GPR157: variants seen among roughly 807,000 people sequenced by gnomAD.
GPR157 encodes the protein G protein-coupled receptor 157.
A neutral mutation model predicts 23.5 loss-of-function variants in GPR157; 16 were observed. The observed-to-expected ratio is 0.68, with a 90% CI of 0.46 to 1.04. GPR157 has a LOEUF of 1.04. Among genes scored for constraint, GPR157 ranks in the 50% least tolerant of loss-of-function variants. GPR157 has a pLI of 0.00. For missense variants in GPR157, 440 were observed against 460.7 expected (o/e 0.96, Z 0.41); for synonymous variants, 200 against 221.5 (o/e 0.90, Z 0.86).
At chr1:9,113,117 TGTGA>T (rs1333867723) in intron 1 of GPR157, among the ~76,000 whole-genome samples, 4 of 151,908 alleles carry the variant, frequency 2.6e-5, no homozygotes, top group Non-Finnish European at 4.4e-5. Context: ...CAGGCAGGTG[TGTGA>T]GTGTTTGCTG....
intron 1 of GPR157, among the ~76,000 whole-genome samples, chr1:9,116,252 TA>T (rs1306502406): frequency 5.3e-5 from 1 of 18,722 alleles, no homozygotes; most frequent in Non-Finnish European, 9.4e-5. Context: ...TATAATTATA[TA>T]TATATTATAT....
chr1:9,123,534 T>TTAAAATATATCTAATTTAAATATATATA (rs1638879006), intron 1 of GPR157, among the ~76,000 whole-genome samples: 1 of 45,270 alleles, frequency 2.2e-5, no homozygotes, highest in South Asian at 7.2e-4. Context: ...AAATATATAT[T>TTAAAATATATCTAATTTAAATATATATA]TAAATATATC....
chr1:9,104,737 A>G (rs950185430), intron 3 of GPR157, 103 bp from the exon 4 acceptor site: 3 of 809,642 alleles, frequency 3.7e-6, no homozygotes, highest in African/African-American at 1.7e-5. Flanking sequence ...GCGGTGGCTC[A>G]CACCTGTAAT....
In GPR157 at chr1:9,105,536, T is replaced by A. The variant is rs1638275937; in HGVS notation, c.742A>T (p.Thr248Ser). Residue 248 changes from threonine to serine, a missense_variant, in exon 3 of 4, where the codon ACC becomes TCC. By Grantham distance (58) the Thr-to-Ser change is moderately conservative (BLOSUM62 1). Coordinates refer to ENST00000377411, the MANE Select transcript of GPR157 (RefSeq NM_024980.5). This position sits in a 1 kb window ranked among gnomAD's most constrained non-coding sequence, Gnocchi z 4.8. ...TGCACGGCCGGGGAGCCACAGAGGG[T>A]CAGCACGAACCGCACGGTGCTCCAG... is the stretch of plus-strand genomic sequence containing the variant. Reference protein sequence around the residue: ...RVWSTVRFVLTLCGSPAVQTP... With the variant: ...RVWSTVRFVLSLCGSPAVQTP... 1 of 1,593,864 alleles carries A rather than the reference T, an allele frequency of 6.3e-7. No individual in the cohort carries two copies. The highest frequency in any genetic ancestry group is 8.5e-7 in the Non-Finnish European group (1 of 1,171,358).
In GPR157 at chr1:9,125,220, T is replaced by C. The variant is rs145017359; in HGVS notation, c.383+3425A>G. 6.3e-3 allele frequency among the ~76,000 whole-genome samples: 962 copies of C among 152,082 alleles called. 13 individuals are homozygous for C. Among genetic ancestry groups the C allele is most frequent in the African/African-American group, 0.022 (913 of 41,490 alleles). ...ATTCTGTTGGGTTACTTTTTTTTTC[T>C]TTTTCTTTTTTTTTGAGACAGGTCT... On this transcript the variant is annotated intron_variant, in intron 1 of 3. Transcript: ENST00000377411.
intron 2 of GPR157, among the ~76,000 whole-genome samples, chr1:9,110,175 A>G (rs1638448242): frequency 6.6e-6 from 1 of 152,210 alleles, no homozygotes; most frequent in Non-Finnish European, 1.5e-5. Flanking sequence ...TGAGTCCTCA[A>G]GATGAACTCC....
rs1049931790 is a variant in GPR157 at position 9,101,590 on chromosome 1, G to A, written c.*2829C>T. 26 of 152,264 alleles carry A rather than the reference G, an allele frequency of 1.7e-4. No individual in the cohort carries two copies. Among genetic ancestry groups the A allele is most frequent in the Non-Finnish European group, 1.9e-4 (13 of 68,056 alleles). 9.4% of individuals were successfully genotyped at this position (152,264 alleles called of 1,614,324 possible). ...CTGTGGCAAGAGGTGGGCAGCGGAG[G>A]AAGCTGACTAGAGATACCTGATGTA... is the stretch of plus-strand genomic sequence containing the variant. On this transcript the variant is annotated 3_prime_UTR_variant, in exon 4 of 4. Coordinates refer to ENST00000377411, the MANE Select transcript of GPR157 (RefSeq NM_024980.5).
Position 9,128,896 on chromosome 1 carries a change from G to T in GPR157, c.132C>A (p.Ser44Arg), listed in dbSNP as rs1439456001. 6.4e-7 allele frequency: 1 copy of T among 1,553,464 alleles called. No homozygotes were observed. Among genetic ancestry groups the T allele is most frequent in the South Asian group, 1.2e-5 (1 of 84,972 alleles). The change falls in exon 1 of 4, where the codon AGC becomes AGA. Residue 44 changes from serine (S) to arginine (R), a missense_variant. Ser to Arg is a moderately radical substitution (Grantham distance 110, BLOSUM62 -1). Transcript: ENST00000377411. This position sits in a 1 kb window ranked among gnomAD's most constrained non-coding sequence, Gnocchi z 6.3. ...ATHALWPDLR[S>R]RARRLLLFLS... ...GGAAGAGCAGCAGGCGCCGTGCCCG[G>T]CTGCGCAGGTCGGGCCACAGGGCGT...
intron 1 of GPR157, among the ~76,000 whole-genome samples, chr1:9,116,867 G>C (rs1427875214): frequency 2.6e-5 from 4 of 151,976 alleles, no homozygotes; most frequent in Non-Finnish European, 4.4e-5. Context: ...TCAACCTCCT[G>C]AGTAGGGGGT....
rs1638776307 is a variant in GPR157, at chr1:9,120,512, T to A, written c.383+8133A>T. ...CCCAGCTGTAGGGAGTGAGGCCTGG[T>A]GAGAGGCTGCCTGGAGGTTTCTTCC... On this transcript the variant is annotated intron_variant, in intron 1 of 3. Coordinates refer to ENST00000377411, the MANE Select transcript of GPR157 (RefSeq NM_024980.5). The surrounding 1 kb of genome is among the most constrained non-coding windows in gnomAD (Gnocchi z 4.1). 6.6e-6 allele frequency among the ~76,000 whole-genome samples: 1 copy of A among 152,142 alleles called. No individual in the cohort carries two copies. The highest frequency in any genetic ancestry group is 2.1e-4 in the South Asian group (1 of 4,822).
At position 9,104,345 on chromosome 1, in the gene GPR157, T is replaced by G. The variant is rs1437837160; in HGVS notation, c.*74A>C. 8.9e-7 allele frequency: 1 copy of G among 1,121,892 alleles called. No homozygotes were observed. Among genetic ancestry groups the G allele is most frequent in the Non-Finnish European group, 1.3e-6 (1 of 750,382 alleles). 69.5% of individuals were successfully genotyped at this position (1,121,892 alleles called of 1,614,324 possible). Reference sequence around the variant, plus strand: ...TGCAGCAGACATGCACTTCTGCCCCTGCAGCAGGGACTCACAGAAGTGCCT... The same window carrying G: ...TGCAGCAGACATGCACTTCTGCCCCGGCAGCAGGGACTCACAGAAGTGCCT... On this transcript the variant is annotated 3_prime_UTR_variant, in exon 4 of 4. Transcript: ENST00000377411.
At chr1:9,117,520 G>A (rs573665216) in intron 1 of GPR157, among the ~76,000 whole-genome samples, 5 of 152,348 alleles carry the variant, frequency 3.3e-5, no homozygotes, top group Admixed American at 3.3e-4. Flanking sequence ...AGCACTTTGG[G>A]AGGCCGAGGT....
chr1:9,105,520 G>A lies in GPR157; in HGVS notation c.758C>T (p.Pro253Leu), dbSNP rs200216809. ...VRFVLTLCGSPAVQTPVLVVL... is the reference protein window; with the variant it reads ...VRFVLTLCGSLAVQTPVLVVL... ...CACCAGCACCGGCGTCTGCACGGCC[G>A]GGGAGCCACAGAGGGTCAGCACGAA... Residue 253 changes from proline (P) to leucine (L), a missense_variant, in exon 3 of 4, where the codon CCG becomes CTG. Pro to Leu is a moderately conservative substitution (Grantham distance 98). Coordinates refer to ENST00000377411, the MANE Select transcript of GPR157 (RefSeq NM_024980.5). This position sits in a 1 kb window ranked among gnomAD's most constrained non-coding sequence, Gnocchi z 4.8. 5.2e-5 allele frequency: 83 copies of A among 1,586,662 alleles called. No homozygotes were observed. In the Admixed American group the frequency reaches 6.8e-4, roughly 13 times the overall value.
intron 1 of GPR157, among the ~76,000 whole-genome samples, chr1:9,123,174 A>AAAAATATATATAT (rs1553175764): frequency 8.5e-6 from 1 of 117,090 alleles, no homozygotes; most frequent in African/African-American, 3.4e-5. Flanking sequence ...AAAAAAAAAA[A>AAAAATATATATAT]ATATATATAT....
chr1:9,117,654 G>A (rs960339404), intron 1 of GPR157, among the ~76,000 whole-genome samples: 7 of 152,040 alleles, frequency 4.6e-5, no homozygotes, highest in Admixed American at 3.3e-4. Context: ...CCCAGCTACT[G>A]GGGAGGCTGA....
rs1638262266 is a variant in GPR157, at chr1:9,105,152, C to T, written c.792+334G>A. ...CCAGAACCTCCCCCCATCCTCCCCG[C>T]CATGGCTGATCTGGGATGACCTTGG... On this transcript the variant is annotated intron_variant, in intron 3 of 3. Coordinates refer to ENST00000377411, the MANE Select transcript of GPR157 (RefSeq NM_024980.5). This position sits in a 1 kb window ranked among gnomAD's most constrained non-coding sequence, Gnocchi z 4.8. Among the ~76,000 whole-genome samples, 1 of 152,124 alleles carries T rather than the reference C, an allele frequency of 6.6e-6. No individual in the cohort carries two copies. The highest frequency in any genetic ancestry group is 1.5e-5 in the Non-Finnish European group (1 of 68,014).
chr1:9,116,627 C>T (rs1421506444), intron 1 of GPR157, among the ~76,000 whole-genome samples: 1 of 150,404 alleles, frequency 6.6e-6, no homozygotes, highest in Admixed American at 6.7e-5. Context: ...CCTGTAATCC[C>T]AGCTACTCAG....
In GPR157 at chr1:9,128,639, A is replaced by C. The variant is rs995261696; in HGVS notation, c.383+6T>G. The C allele has an allele frequency of 3.7e-6, 6 of 1,612,380 alleles. No homozygotes were observed. The Middle Eastern group carries it at 6.6e-4, about 177-fold the overall frequency. ...CTCCTGGAAAAGCAGCGCCACCGCC[A>C]CCCACCTGACGACATGGAAGGCCCA... On this transcript the variant is annotated splice_donor_region_variant and intron_variant, in intron 1 of 3. Transcript: ENST00000377411. This position sits in a 1 kb window ranked among gnomAD's most constrained non-coding sequence, Gnocchi z 6.3.
rs1471663775 is a variant in GPR157 at position 9,103,125 on chromosome 1, AC to A, written c.*1293del. 1 of 146,176 alleles carries A rather than the reference AC, an allele frequency of 6.8e-6. No homozygotes were observed. Among genetic ancestry groups the A allele is most frequent in the East Asian group, 2.0e-4 (1 of 4,988 alleles). 9.1% of individuals were successfully genotyped at this position (146,176 alleles called of 1,614,324 possible). A position where few individuals can be genotyped will look rare whatever the true frequency, so the allele number is the denominator to read the frequency against. ...TTTTTAAAAAAAAAAAAAAAAAAAA[AC>A]TGACTCTGAAGCTTAAAACCTTCAC... On this transcript the variant is annotated 3_prime_UTR_variant, in exon 4 of 4. Transcript: ENST00000377411.
Sources: gnomAD v4.1 joint callset for allele counts (sites outside exome capture counted in the v4.1 genomes callset) on GRCh38, gnomAD v4.1.1 for gene constraint, Gnocchi (gnomAD v3.1) non-coding constraint, MANE v1.5 for transcripts, NCBI Gene and HGNC (gene_info 2026-07-23, HGNC 2026-07-21) for gene names.